Variants in CATSPERE observed in about 807,000 individuals in gnomAD.
The protein encoded by CATSPERE is cation channel sperm-associated auxiliary subunit epsilon.
CATSPERE carries 93 observed loss-of-function variants against 114.1 expected under a neutral mutation model. That is an observed-to-expected ratio of 0.81 (90% CI 0.69 to 0.97). The LOEUF is 0.97. CATSPERE is among the 50% of genes least tolerant of loss of function. The pLI is 0.00. For missense variants in CATSPERE, 1,058 were observed against 1,131.6 expected, an observed-to-expected ratio of 0.93 and a Z score of 0.93; for synonymous variants, 341 against 384.1, an observed-to-expected ratio of 0.89 and a Z score of 1.31.
chr1:244,581,944 A>C, intron 12 of CATSPERE, 90 bp downstream of exon 12: 1 of 538,732 alleles, frequency 1.9e-6, no homozygotes, highest in Non-Finnish European at 3.3e-6. Context: ...AAATGGCCTC[A>C]TATTCTTTTA....
rs11313998 is a variant in CATSPERE at position 244,562,153 on chromosome 1, C to CAA, written c.1507+1028_1507+1029dup. Among the ~76,000 whole-genome samples, 83 of 70,122 alleles carry CAA rather than the reference C, an allele frequency of 1.2e-3. 2 individuals carry two copies. The highest frequency in any genetic ancestry group is 3.9e-3 in the African/African-American group (76 of 19,664). 46.0% of individuals were successfully genotyped at this position (70,122 alleles called of 152,430 possible). ...TGGACAACAGAGCGAGATCCTGTCTCAAAAAAAAAAAAAAAAAAAAAGCTC... is the reference window on the plus strand; with the variant it reads ...TGGACAACAGAGCGAGATCCTGTCTCAAAAAAAAAAAAAAAAAAAAAAAGCTC... On this transcript the variant is annotated intron_variant, in intron 10 of 21. Transcript: ENST00000366534.
chr1:244,491,457 A>C (rs1209222604), intron 6 of CATSPERE, among the ~76,000 whole-genome samples: 3 of 152,082 alleles, frequency 2.0e-5, no homozygotes, highest in African/African-American at 7.2e-5. Flanking sequence ...GTGTAGAGGG[A>C]AATTTATAGC....
In CATSPERE at chr1:244,518,662, GA is replaced by G. The variant is rs763740783; in HGVS notation, c.504del (p.Val169PhefsTer8). The G allele has an allele frequency of 1.0e-5, 16 of 1,579,350 alleles. No homozygotes were observed. The highest frequency in any genetic ancestry group is 4.1e-5 in the African/African-American group (3 of 73,618). ...QKPVIHTVLK[R>X]KVYSSNEKMR... ...CCTGTCATACATACAGTTCTGAAGA[GA>G]AAAGTTTATTCTTCAAATGAGAAAA... On this transcript the variant is annotated frameshift_variant, in exon 8 of 22. Transcript: ENST00000366534. LOFTEE classifies it high-confidence loss of function.
At chr1:244,535,201 T>C (rs1394676371) in intron 8 of CATSPERE, among the ~76,000 whole-genome samples, 1 of 152,238 alleles carries the variant, frequency 6.6e-6, no homozygotes, top group Non-Finnish European at 1.5e-5. Flanking sequence ...GGGACTGCAC[T>C]GGGTCAGACC....
intron 17 of CATSPERE, among the ~76,000 whole-genome samples, chr1:244,603,610 T>C (rs1470509224): frequency 6.6e-6 from 1 of 152,162 alleles, no homozygotes; most frequent in Non-Finnish European, 1.5e-5. Context: ...TGCCACTAGA[T>C]GGCACTGTAG....
In CATSPERE at chr1:244,470,548, CTT is replaced by C. The variant is rs144108433; in HGVS notation, c.114+6593_114+6594del. On this transcript the variant is annotated intron_variant, in intron 2 of 21. Transcript: ENST00000366534. The stretch of plus-strand genomic sequence containing the variant: ...GTGGGGATGTAGAGAAATGGGAACT[CTT>C]ATATTGCTGTCAAATGTCAAATGGT... 8.1e-3 allele frequency among the ~76,000 whole-genome samples: 1,233 copies of C among 152,298 alleles called. 28 individuals carry two copies. Among genetic ancestry groups the C allele is most frequent in the Admixed American group, 0.028 (429 of 15,292 alleles).
chr1:244,636,585 G>A (rs187575948), intron 21 of CATSPERE: 1 of 152,498 alleles, frequency 6.6e-6, no homozygotes, highest in African/African-American at 2.4e-5. Flanking sequence ...GAATATTAAG[G>A]TATATACCCA....
In CATSPERE at chr1:244,461,353, G is replaced by A. The variant is rs1199161845; in HGVS notation, c.-77G>A. 16 of 1,243,884 alleles carry A rather than the reference G, an allele frequency of 1.3e-5. No individual in the cohort carries two copies. In the East Asian group the frequency reaches 5.0e-4, roughly 39 times the overall value. The allele number at this position is 1,243,884 out of a possible 1,614,324, so 77.1% of individuals were successfully genotyped here. ...ACCCAGGCGCCTGCAGCCGCCCGCC[G>A]GGCCGACGTCCCACGGGAATGCGCG... On this transcript the variant is annotated 5_prime_UTR_variant, in exon 1 of 22. Coordinates refer to ENST00000366534, the MANE Select transcript of CATSPERE (RefSeq NM_001130957.2).
intron 17 of CATSPERE, among the ~76,000 whole-genome samples, chr1:244,594,488 G>GA (rs1339210512): frequency 1.3e-5 from 2 of 151,598 alleles, no homozygotes; most frequent in Admixed American, 6.6e-5. Flanking sequence ...TTAAAATATA[G>GA]AAAAAATACG....
intron 8 of CATSPERE, among the ~76,000 whole-genome samples, chr1:244,534,579 C>T (rs1160327712): frequency 4.0e-5 from 6 of 151,826 alleles, no homozygotes; most frequent in Admixed American, 3.3e-4. Context: ...TTCATTATGT[C>T]GATTGCATTT....
chr1:244,535,828 C>T (rs1572624128), intron 8 of CATSPERE, among the ~76,000 whole-genome samples: 1 of 152,084 alleles, frequency 6.6e-6, no homozygotes, highest in African/African-American at 2.4e-5. Flanking sequence ...CTGCTTTTCT[C>T]AAGCAGAAGG....
intron 9 of CATSPERE, among the ~76,000 whole-genome samples, chr1:244,555,559 A>G (rs989332978): frequency 2.6e-5 from 4 of 152,144 alleles, no homozygotes; most frequent in Non-Finnish European, 4.4e-5. Flanking sequence ...CTCGTATTCA[A>G]CTTAGTACTG....
At chr1:244,548,062 T>C (rs1205802160) in intron 8 of CATSPERE, among the ~76,000 whole-genome samples, 1 of 152,184 alleles carries the variant, frequency 6.6e-6, no homozygotes, top group Non-Finnish European at 1.5e-5. Flanking sequence ...GACGAATAAA[T>C]ATGGGGAAGA....
chr1:244,525,540 A>G (rs61844035), intron 8 of CATSPERE, among the ~76,000 whole-genome samples: 1,789 of 152,196 alleles, frequency 0.012, 19 homozygotes, highest in Middle Eastern at 0.027. Flanking sequence ...TGGTGAGGAT[A>G]CGCAACAATG....
intron 9 of CATSPERE, among the ~76,000 whole-genome samples, chr1:244,557,532 C>A (rs3005997): frequency 4.9e-5 from 2 of 40,640 alleles, no homozygotes; most frequent in African/African-American, 1.1e-4. Flanking sequence ...TTGAAATATT[C>A]ATATATATAT....
chr1:244,604,788 A>G (rs1669755910), intron 17 of CATSPERE, among the ~76,000 whole-genome samples: 1 of 152,258 alleles, frequency 6.6e-6, no homozygotes, highest in South Asian at 2.1e-4. Flanking sequence ...TTGAACTTTT[A>G]GCTCTGATTT....
intron 7 of CATSPERE, among the ~76,000 whole-genome samples, chr1:244,502,400 C>T (rs1251726642): frequency 1.3e-5 from 2 of 151,874 alleles, no homozygotes; most frequent in Non-Finnish European, 1.5e-5. Context: ...TGTTTTTTAT[C>T]TTGACTGGCA....
At chr1:244,479,485 A>T (rs567849366) in intron 4 of CATSPERE, among the ~76,000 whole-genome samples, 7 of 152,292 alleles carry the variant, frequency 4.6e-5, no homozygotes, top group Non-Finnish European at 8.8e-5. Context: ...ACCCCAGTGA[A>T]TGAGAACATT....
At chr1:244,637,624 T>A (rs1157977887) in intron 21 of CATSPERE, among the ~76,000 whole-genome samples, 1 of 152,116 alleles carries the variant, frequency 6.6e-6, no homozygotes, top group Non-Finnish European at 1.5e-5. Context: ...TACTTTGCAT[T>A]TCCTTACATT....
Sources: allele counts gnomAD v4.1 joint callset (sites outside exome capture counted in the v4.1 genomes callset), GRCh38; gene constraint gnomAD v4.1.1; transcripts MANE v1.5; gene names NCBI Gene and HGNC (gene_info 2026-07-23, HGNC 2026-07-21).